Variants in KIZ observed in about 807,000 individuals in gnomAD.
The protein encoded by KIZ is kizuna centrosomal protein.
Under a neutral mutation model 79.6 loss-of-function variants are expected in KIZ, and 68 were observed. That is an observed-to-expected ratio of 0.85 (90% CI 0.70 to 1.05). KIZ has a LOEUF of 1.05. KIZ is among the 50% of genes least tolerant of loss of function. The pLI is 0.00. For missense variants in KIZ, 797 were observed against 800.4 expected (o/e 1.00, Z 0.05); for synonymous variants, 280 against 281.8 (o/e 0.99, Z 0.06).
intron 6 of KIZ, among the ~76,000 whole-genome samples, chr20:21,163,785 G>T (rs1436420688): frequency 6.6e-6 from 1 of 152,186 alleles, no homozygotes; most frequent in Non-Finnish European, 1.5e-5. Context: ...ATAAAAATTT[G>T]TATATGTTTT....
chr20:21,239,871 T>C (rs2037157057), intron 11 of KIZ, among the ~76,000 whole-genome samples: 1 of 152,212 alleles, frequency 6.6e-6, no homozygotes, highest in African/African-American at 2.4e-5. Context: ...TGATTAGCAT[T>C]GTCCTAATCT....
intron 11 of KIZ, among the ~76,000 whole-genome samples, chr20:21,236,472 C>G (rs2037010677): frequency 6.6e-6 from 1 of 152,134 alleles, no homozygotes; most frequent in Non-Finnish European, 1.5e-5. Flanking sequence ...AGTCTAAAGA[C>G]TATGTCTTAT....
intron 11 of KIZ, among the ~76,000 whole-genome samples, chr20:21,242,913 C>T (rs560232502): frequency 1.3e-5 from 2 of 152,252 alleles, no homozygotes; most frequent in African/African-American, 2.4e-5. Context: ...TTGTATGGAC[C>T]GCGGCTGGCA....
intron 6 of KIZ, among the ~76,000 whole-genome samples, chr20:21,172,343 G>A (rs748624242): frequency 3.3e-5 from 5 of 152,122 alleles, no homozygotes; most frequent in African/African-American, 1.2e-4. Flanking sequence ...GGTGACTAAC[G>A]TGTAATCCTA....
At chr20:21,172,060 G>A (rs1156701329) in intron 6 of KIZ, among the ~76,000 whole-genome samples, 1 of 152,190 alleles carries the variant, frequency 6.6e-6, no homozygotes, top group Non-Finnish European at 1.5e-5. Flanking sequence ...GAATCACCCA[G>A]CCACTCCTTG....
chr20:21,155,596 A>G lies in KIZ; in HGVS notation c.406-6275A>G, dbSNP rs114225250. Among the ~76,000 whole-genome samples, 471 of 152,294 alleles carry G rather than the reference A, an allele frequency of 3.1e-3. 4 individuals are homozygous for G. Among genetic ancestry groups the G allele is most frequent in the African/African-American group, 0.011 (451 of 41,560 alleles). On this transcript the variant is annotated intron_variant, in intron 4 of 12. Transcript: ENST00000619189. ...TTGGAGTGATGAAAAAAATGTTCCA[A>G]AATTGATTGTGGTGATGGTCGCACA... is the stretch of plus-strand genomic sequence containing the variant.
At chr20:21,148,234 T>A (rs1312952622) in intron 4 of KIZ, among the ~76,000 whole-genome samples, 2 of 152,122 alleles carry the variant, frequency 1.3e-5, no homozygotes, top group Non-Finnish European at 2.9e-5. Context: ...GTGATCATTC[T>A]GAATTATAAA....
At chr20:21,244,370 C>T (rs1420370571) in intron 12 of KIZ, 82 bp downstream of exon 12, 8 of 966,592 alleles carry the variant, frequency 8.3e-6, no homozygotes, top group African/African-American at 1.6e-5. Flanking sequence ...TGTTTGCACC[C>T]TCATGTGAGT....
At chr20:21,152,482 A>G (rs897519222) in intron 4 of KIZ, among the ~76,000 whole-genome samples, 1 of 152,102 alleles carries the variant, frequency 6.6e-6, no homozygotes, top group African/African-American at 2.4e-5. Flanking sequence ...GTAGTTCTGC[A>G]TATTTCTTTT....
chr20:21,236,319 T>C (rs939578343), intron 11 of KIZ, among the ~76,000 whole-genome samples: 1 of 152,240 alleles, frequency 6.6e-6, no homozygotes, highest in Non-Finnish European at 1.5e-5. Context: ...TGGGATTTTT[T>C]TCTTTCTGGA....
intron 11 of KIZ, among the ~76,000 whole-genome samples, chr20:21,240,849 C>T (rs1404741098): frequency 6.6e-6 from 1 of 152,254 alleles, no homozygotes; most frequent in African/African-American, 2.4e-5. Context: ...AATACAGCCA[C>T]ATCTTTTAGT....
chr20:21,179,429 C>A (rs1334214965), intron 6 of KIZ, among the ~76,000 whole-genome samples: 1 of 151,216 alleles, frequency 6.6e-6, no homozygotes, highest in Non-Finnish European at 1.5e-5. Context: ...GCAGTGTTTC[C>A]TCTTTCATTT....
intron 6 of KIZ, among the ~76,000 whole-genome samples, chr20:21,188,857 G>A (rs1436455651): frequency 4.6e-5 from 7 of 151,654 alleles, no homozygotes; most frequent in African/African-American, 1.7e-4. Context: ...CTGCCACCAC[G>A]CCCAGCTAAT....
chr20:21,207,327 T>G (rs1333885347), intron 7 of KIZ, among the ~76,000 whole-genome samples: 2 of 152,076 alleles, frequency 1.3e-5, no homozygotes, highest in East Asian at 3.9e-4. Context: ...TTATAACATT[T>G]CAAACATACA....
At chr20:21,202,941 G>C (rs2035655967) in intron 6 of KIZ, among the ~76,000 whole-genome samples, 2 of 151,964 alleles carry the variant, frequency 1.3e-5, no homozygotes, top group South Asian at 4.1e-4. Flanking sequence ...TCTCCCTAAC[G>C]CTTTTTTTCT....
At chr20:21,129,265 A>C (rs2031686425) in intron 1 of KIZ, among the ~76,000 whole-genome samples, 1 of 152,196 alleles carries the variant, frequency 6.6e-6, no homozygotes, top group African/African-American at 2.4e-5. Flanking sequence ...TTTGATTATC[A>C]GGGTATGAAG....
At chr20:21,206,611 A>T (rs1438860838) in intron 7 of KIZ, among the ~76,000 whole-genome samples, 4 of 152,186 alleles carry the variant, frequency 2.6e-5, no homozygotes, top group African/African-American at 9.7e-5. Context: ...GGAGCACAAG[A>T]AGTAGTTGCT....
chr20:21,126,300 C>T, intron 1 of KIZ, 96 bp downstream of exon 1: 2 of 870,602 alleles, frequency 2.3e-6, no homozygotes, highest in Non-Finnish European at 3.2e-6. Context: ...GTCCGAGGTT[C>T]CCCGGGGCCC....
intron 9 of KIZ, among the ~76,000 whole-genome samples, chr20:21,219,772 A>G (rs986415923): frequency 6.6e-6 from 1 of 152,164 alleles, no homozygotes; most frequent in African/African-American, 2.4e-5. Flanking sequence ...TCATTTGCTT[A>G]TCACCACAAA....
Sources: allele counts gnomAD v4.1 joint callset (sites outside exome capture counted in the v4.1 genomes callset), GRCh38; gene constraint gnomAD v4.1.1; transcripts MANE v1.5; gene names NCBI Gene and HGNC (gene_info 2026-07-23, HGNC 2026-07-21).